Variants in ABCC1 observed in about 807,000 individuals in gnomAD.
ABCC1 encodes the protein multidrug resistance-associated protein 1.
Under a neutral mutation model 172.9 loss-of-function variants are expected in ABCC1, and 83 were observed. The observed-to-expected ratio is 0.48, with a 90% CI of 0.40 to 0.58. The LOEUF (loss-of-function observed/expected upper bound fraction) is 0.58. ABCC1 is among the 20% of genes least tolerant of loss of function. ABCC1 has a pLI of 0.00. For missense variants in ABCC1, 1,817 were observed against 2,002.7 expected (o/e 0.91, Z 1.77); for synonymous variants, 937 against 825.2 (o/e 1.14, Z -2.32).
intron 1 of ABCC1, among the ~76,000 whole-genome samples, chr16:15,984,190 T>G (rs2046693150): frequency 6.6e-6 from 1 of 152,182 alleles, no homozygotes; most frequent in African/African-American, 2.4e-5. Context: ...TAGGGTGGGA[T>G]GCTTGCAGAA....
intron 3 of ABCC1, 120 bp from the exon 4 acceptor site, chr16:16,014,370 TG>T: frequency 1.7e-6 from 2 of 1,160,260 alleles, no homozygotes; most frequent in Non-Finnish European, 2.4e-6. Flanking sequence ...CACTTGAACC[TG>T]GGAGGCGGAG....
rs558441742 is a variant in ABCC1 at position 15,981,877 on chromosome 16, T to C, written c.49-25939T>C. Among the ~76,000 whole-genome samples the C allele has an allele frequency of 6.6e-5, 10 of 152,178 alleles. No individual in the cohort carries two copies. The East Asian group carries it at 1.9e-3, about 29-fold the overall frequency. Reference sequence around the variant, plus strand: ...ATGCTCTGCTTCCTCTTAAACACTTTGTTGCTTAGAAATTTCTTCTGACAA... The same window carrying C: ...ATGCTCTGCTTCCTCTTAAACACTTCGTTGCTTAGAAATTTCTTCTGACAA... On this transcript the variant is annotated intron_variant, in intron 1 of 30. Coordinates refer to ENST00000399410, the MANE Select transcript of ABCC1 (RefSeq NM_004996.4).
In ABCC1 at chr16:16,125,801, C is replaced by T. The variant is rs749310478; in HGVS notation, c.3718-9C>T. On this transcript the variant is annotated splice_polypyrimidine_tract_variant and intron_variant, in intron 25 of 30. Transcript: ENST00000399410. ...CTCTAGAAATGCCACGTGACTCTTC[C>T]ACTCACAGGTCACCACGTACTTGAA... is the stretch of plus-strand genomic sequence containing the variant. The T allele has an allele frequency of 1.9e-6, 3 of 1,604,068 alleles. No homozygotes were observed. The highest frequency in any genetic ancestry group is 1.1e-5 in the South Asian group (1 of 90,264).
At position 16,048,316 on chromosome 16, in the gene ABCC1, C is replaced by T. The variant is rs8187855; in HGVS notation, c.1380+13C>T. The T allele has an allele frequency of 2.3e-4, 371 of 1,613,310 alleles. 3 individuals carry two copies. The African/African-American group carries it at 3.5e-3, about 15-fold the overall frequency. On this transcript the variant is annotated intron_variant, in intron 10 of 30. Transcript: ENST00000399410. Reference sequence around the variant, plus strand: ...CCTCCTGTGGCTGGTGTGTGTTTAACGCCGTTTCCCTTTGCATGCAGGGAG... The same window carrying T: ...CCTCCTGTGGCTGGTGTGTGTTTAATGCCGTTTCCCTTTGCATGCAGGGAG...
chr16:16,108,566 C>T (rs1003306475), intron 21 of ABCC1, among the ~76,000 whole-genome samples: 5 of 149,364 alleles, frequency 3.3e-5, no homozygotes, highest in Admixed American at 6.7e-5. Flanking sequence ...TGAGCCACTG[C>T]GCCCGGCCTT....
At chr16:16,110,392 A>AT (rs1007017969) in intron 21 of ABCC1, among the ~76,000 whole-genome samples, 25 of 150,648 alleles carry the variant, frequency 1.7e-4, no homozygotes, top group South Asian at 4.2e-4. Context: ...AGCACTCTTT[A>AT]TTTTTTTTTA....
chr16:16,044,060 A>T (rs2049096371), intron 7 of ABCC1, among the ~76,000 whole-genome samples: 2 of 152,150 alleles, frequency 1.3e-5, no homozygotes, highest in East Asian at 1.9e-4. Flanking sequence ...TGGGCTTTTG[A>T]TGGGGATTGC....
At chr16:16,110,825 A>G (rs975392386) in intron 21 of ABCC1, among the ~76,000 whole-genome samples, 3 of 152,122 alleles carry the variant, frequency 2.0e-5, no homozygotes, top group African/African-American at 7.2e-5. Context: ...GTGATGACGC[A>G]TTTATCTGGG....
chr16:15,986,444 C>T (rs1286271432), intron 1 of ABCC1, among the ~76,000 whole-genome samples: 2 of 152,184 alleles, frequency 1.3e-5, no homozygotes, highest in Non-Finnish European at 1.5e-5. Flanking sequence ...ACCTGAATTC[C>T]ACCTCCTGTC....
intron 12 of ABCC1, among the ~76,000 whole-genome samples, chr16:16,066,408 C>T (rs1320657487): frequency 2.6e-5 from 4 of 151,296 alleles, no homozygotes; most frequent in African/African-American, 7.3e-5. Context: ...CTGGAACTCC[C>T]GACCTCAAGT....
At chr16:16,066,004 C>A (rs1214092688) in intron 12 of ABCC1, among the ~76,000 whole-genome samples, 1 of 152,010 alleles carries the variant, frequency 6.6e-6, no homozygotes, top group Non-Finnish European at 1.5e-5. Flanking sequence ...TAATGACAAT[C>A]ACCACTAATT....
chr16:15,950,425 C>T (rs1013059051), intron 1 of ABCC1, among the ~76,000 whole-genome samples: 2 of 152,110 alleles, frequency 1.3e-5, no homozygotes, highest in African/African-American at 4.8e-5. Context: ...ATGTGCCCTA[C>T]CTGACCCTCG....
At chr16:15,981,126 G>T (rs905516537) in intron 1 of ABCC1, among the ~76,000 whole-genome samples, 7 of 152,232 alleles carry the variant, frequency 4.6e-5, no homozygotes, top group Non-Finnish European at 4.4e-5. Context: ...GGGCAGCTCT[G>T]CCCCTGTGGC....
At chr16:15,988,013 A>T (rs152026) in intron 1 of ABCC1, among the ~76,000 whole-genome samples, 1 of 152,078 alleles carries the variant, frequency 6.6e-6, no homozygotes, top group Non-Finnish European at 1.5e-5. Flanking sequence ...GCTGGAGTGC[A>T]GTGGTGTGAT....
chr16:16,099,948 C>T (rs2283514), intron 19 of ABCC1, among the ~76,000 whole-genome samples: 16,745 of 152,032 alleles, frequency 0.11, 961 homozygotes, highest in East Asian at 0.22. Flanking sequence ...TAGCCAGGCA[C>T]GGTGGTGCAT....
At chr16:16,123,608 C>T (rs1400555224) in intron 24 of ABCC1, among the ~76,000 whole-genome samples, 2 of 151,682 alleles carry the variant, frequency 1.3e-5, no homozygotes, top group African/African-American at 2.4e-5. Context: ...GCCTGGGCAA[C>T]GAGAGCGAAA....
chr16:15,981,760 A>G (rs2046625161), intron 1 of ABCC1, among the ~76,000 whole-genome samples: 1 of 152,170 alleles, frequency 6.6e-6, no homozygotes, highest in South Asian at 2.1e-4. Flanking sequence ...CGTTTTACTT[A>G]TGCAAATTTC....
At chr16:16,017,563 C>A (rs45464796) in intron 5 of ABCC1, among the ~76,000 whole-genome samples, 2 of 152,054 alleles carry the variant, frequency 1.3e-5, no homozygotes, top group Non-Finnish European at 2.9e-5. Flanking sequence ...GATGTTCTCC[C>A]TACACCTGCT....
chr16:15,971,231 C>T (rs998615951), intron 1 of ABCC1, among the ~76,000 whole-genome samples: 7 of 152,206 alleles, frequency 4.6e-5, no homozygotes, highest in Non-Finnish European at 7.4e-5. Context: ...TTTCACGTAG[C>T]GCATGAAAAA....
Sources: allele counts gnomAD v4.1 joint callset (sites outside exome capture counted in the v4.1 genomes callset), GRCh38; gene constraint gnomAD v4.1.1; transcripts MANE v1.5; gene names NCBI Gene and HGNC (gene_info 2026-07-23, HGNC 2026-07-21).